Variants in PSEN1 observed in about 807,000 individuals in gnomAD.
The protein encoded by PSEN1 is presenilin-1.
PSEN1 carries 15 observed loss-of-function variants against 53.5 expected under a neutral mutation model. The ratio of observed to expected loss-of-function variants is 0.28; its 90% CI spans 0.19 to 0.43. The LOEUF (loss-of-function observed/expected upper bound fraction) is 0.43. PSEN1 is among the 20% of genes least tolerant of loss of function. PSEN1 has a pLI of 1.00. For synonymous variants in PSEN1, 208 were observed against 209.8 expected (o/e 0.99, Z 0.08); for missense variants, 387 against 571.2 (o/e 0.68, Z 3.29).
chr14:73,183,166 G>A (rs1898277209), intron 5 of PSEN1, among the ~76,000 whole-genome samples: 1 of 152,118 alleles, frequency 6.6e-6, no homozygotes, highest in African/African-American at 2.4e-5. Context: ...TGCTCAGGCT[G>A]GAGTGCAATG....
rs774033846 is a variant in PSEN1, at chr14:73,211,793, C to A, written c.980C>A (p.Thr327Asn). 70 of 1,613,964 alleles carry A rather than the reference C, an allele frequency of 4.3e-5. No individual in the cohort carries two copies. Residue 327 changes from threonine to asparagine, a missense_variant, in exon 10 of 12, where the codon ACT (threonine) becomes AAT (asparagine). Physicochemically the swap from Thr to Asn is moderately conservative, Grantham distance 65 (BLOSUM62 0). This residue lies in a region of PSEN1 where 75 missense variants were observed against 63.7 expected (regional missense o/e 1.18). Transcript: ENST00000324501. ...GGCACAGAAAGGGAGTCACAAGACA[C>A]TGTTGCAGAGAATGATGATGGCGGG... Reference protein sequence around the residue: ...AESTERESQDTVAENDDGGFS... With the variant: ...AESTERESQDNVAENDDGGFS...
chr14:73,171,380 G>A (rs1398660229), intron 4 of PSEN1, among the ~76,000 whole-genome samples: 1 of 152,066 alleles, frequency 6.6e-6, no homozygotes, highest in Non-Finnish European at 1.5e-5. Context: ...TCTAACTTTG[G>A]TGGATTAAAT....
At chr14:73,170,733 C>G (rs1897859949) in intron 3 of PSEN1, 64 bp from the exon 4 acceptor site, 1 of 1,577,416 alleles carries the variant, frequency 6.3e-7, no homozygotes, top group Non-Finnish European at 8.7e-7. Context: ...AATCCCAGGT[C>G]TAACCGTTAC....
rs775543665 is a variant in PSEN1, at chr14:73,170,827, G to A, written c.118G>A (p.Asp40Asn). The A allele has an allele frequency of 3.7e-6, 6 of 1,613,300 alleles. No homozygotes were observed. The highest frequency in any genetic ancestry group is 3.4e-6 in the Non-Finnish European group (4 of 1,179,332). Residue 40 changes from aspartate to asparagine, a missense_variant, in exon 4 of 12, where the codon GAC (aspartate) becomes AAC (asparagine). Transcript: ENST00000324501. ...CAATAGAGAACGGCAGGAGCACAACGACAGACGGAGCCTTGGCCACCCTGA... is the reference window on the plus strand; with the variant it reads ...CAATAGAGAACGGCAGGAGCACAACAACAGACGGAGCCTTGGCCACCCTGA... ...NDNRERQEHN[D>N]RRSLGHPEPL...
chr14:73,196,482 T>TC (rs1426411523), intron 7 of PSEN1, among the ~76,000 whole-genome samples: 1 of 145,452 alleles, frequency 6.9e-6, no homozygotes, highest in African/African-American at 2.5e-5. Flanking sequence ...AAATTTTTTT[T>TC]TTTTTTTTTT....
In PSEN1 at chr14:73,192,696, C is replaced by G; in HGVS notation, c.601C>G (p.Leu201Val). The G allele has an allele frequency of 6.2e-7, 1 of 1,614,026 alleles. No homozygotes were observed. The highest frequency in any genetic ancestry group is 8.5e-7 in the Non-Finnish European group (1 of 1,180,018). ...TGTGGACTACATTACTGTTGCACTC[C>G]TGATCTGGAATTTTGGTGTGGTGGG... ...VAVDYITVAL[L>V]IWNFGVVGMI... Residue 201 changes from leucine to valine, a missense_variant, in exon 7 of 12, where the codon CTG (leucine) becomes GTG (valine). This residue lies in a region of PSEN1 where 169 missense variants were observed against 299.7 expected (regional missense o/e 0.56). Transcript: ENST00000324501.
At chr14:73,139,008 G>T (rs1896835364) in intron 1 of PSEN1, among the ~76,000 whole-genome samples, 1 of 151,456 alleles carries the variant, frequency 6.6e-6, no homozygotes, top group African/African-American at 2.4e-5. Context: ...GGGTGGCCGG[G>T]CGCAGCGGCT....
At chr14:73,160,745 C>T (rs1594982023) in intron 3 of PSEN1, among the ~76,000 whole-genome samples, 3 of 148,466 alleles carry the variant, frequency 2.0e-5, no homozygotes. Flanking sequence ...TGTTCAAGTC[C>T]TTTGCCCATC....
chr14:73,218,750 C>T (rs562481752), intron 11 of PSEN1, among the ~76,000 whole-genome samples: 12 of 151,524 alleles, frequency 7.9e-5, no homozygotes, highest in Admixed American at 2.0e-4. Flanking sequence ...GAGAAGCCCC[C>T]GCACAGCATA....
Position 73,222,675 on chromosome 14 carries a change from CTT to C in PSEN1, c.*3387_*3388del, listed in dbSNP as rs1900140318. On this transcript the variant is annotated 3_prime_UTR_variant, in exon 12 of 12. Coordinates refer to ENST00000324501, the MANE Select transcript of PSEN1 (RefSeq NM_000021.4). ...AATTCTCAGAATGTAGTTATAATCT[CTT>C]GTTTTCTGGTATATGCCATCTTTCT... 1 of 152,180 alleles carries C rather than the reference CTT, an allele frequency of 6.6e-6. No homozygotes were observed. The allele number at this position is 152,180 out of a possible 1,614,324, so 9.4% of individuals were successfully genotyped here. A position where few individuals can be genotyped will look rare whatever the true frequency, so the allele number is the denominator to read the frequency against.
chr14:73,189,070 C>T (rs113774566), intron 6 of PSEN1, among the ~76,000 whole-genome samples: 10,564 of 152,136 alleles, frequency 0.069, 533 homozygotes, highest in South Asian at 0.19. Context: ...GGATTACAGG[C>T]GTGAGCCACT....
chr14:73,157,925 G>T (rs987959703), intron 3 of PSEN1, among the ~76,000 whole-genome samples: 11 of 152,022 alleles, frequency 7.2e-5, no homozygotes, highest in Admixed American at 5.2e-4. Context: ...GGCAGAGGTT[G>T]CAGTGAGCTG....
At chr14:73,146,784 A>G (rs1336341298) in intron 1 of PSEN1, among the ~76,000 whole-genome samples, 2 of 152,252 alleles carry the variant, frequency 1.3e-5, no homozygotes, top group Admixed American at 1.3e-4. Flanking sequence ...AAATTTTTTT[A>G]TGTAAATGTG....
rs214264 is a variant in PSEN1 at position 73,184,543 on chromosome 14, C to T, written c.481-2310C>T. On this transcript the variant is annotated intron_variant, in intron 5 of 11. Transcript: ENST00000324501. The stretch of plus-strand genomic sequence containing the variant: ...CTGACCCCCCCACCTCCCTCTCGGA[C>T]AGGGCGGCTGGCCTGGCAGAGGGGC... Among the ~76,000 whole-genome samples the T allele has an allele frequency of 1.1e-3, 144 of 135,306 alleles. 8 individuals are homozygous for T. The highest frequency in any genetic ancestry group is 3.8e-3 in the African/African-American group (129 of 33,856). The allele number at this position is 135,306 out of a possible 152,430, so 88.8% of individuals were successfully genotyped here.
intron 9 of PSEN1, among the ~76,000 whole-genome samples, chr14:73,208,243 G>A (rs752418925): frequency 5.9e-5 from 9 of 152,162 alleles, no homozygotes; most frequent in Admixed American, 2.0e-4. Context: ...TTTGTCTTAC[G>A]GTTCTTTCAA....
At chr14:73,170,052 G>A (rs572343601) in intron 3 of PSEN1, among the ~76,000 whole-genome samples, 26 of 152,316 alleles carry the variant, frequency 1.7e-4, no homozygotes, top group African/African-American at 5.8e-4. Flanking sequence ...GGTAACTTCC[G>A]GACGTTGCCA....
intron 3 of PSEN1, among the ~76,000 whole-genome samples, chr14:73,153,763 A>G: frequency 7.8e-6 from 1 of 128,400 alleles, no homozygotes; most frequent in East Asian, 2.3e-4. Flanking sequence ...CCCAGGCTGG[A>G]GTTCAGTTGT....
intron 5 of PSEN1, among the ~76,000 whole-genome samples, chr14:73,178,219 C>CTTT (rs34023728): frequency 2.0e-4 from 25 of 127,984 alleles, no homozygotes; most frequent in African/African-American, 6.2e-4. Context: ...ACACCCGGCC[C>CTTT]TTTTTTTTTT....
rs80331025 is a variant in PSEN1 at position 73,173,321 on chromosome 14, A to G, written c.339-245A>G. Among the ~76,000 whole-genome samples the G allele has an allele frequency of 9.7e-3, 1,478 of 152,324 alleles. 16 individuals are homozygous for G. Among genetic ancestry groups the G allele is most frequent in the Admixed American group, 0.017 (264 of 15,298 alleles). On this transcript the variant is annotated intron_variant, in intron 4 of 11. Transcript: ENST00000324501. ...TCAATATAAAGCACCCACTAGATGG[A>G]GCCAGTGTCTGCTTCACATGTTAAG...
Sources: gnomAD v4.1 joint callset for allele counts (sites outside exome capture counted in the v4.1 genomes callset) on GRCh38, gnomAD v4.1.1 for gene constraint, gnomAD v4.1.1 regional missense constraint, MANE v1.5 for transcripts, NCBI Gene and HGNC (gene_info 2026-07-23, HGNC 2026-07-21) for gene names.